SIAE: variants seen among roughly 807,000 people sequenced by gnomAD.
SIAE encodes sialic acid acetylesterase, also known as sialate O-acetylesterase.
A neutral mutation model predicts 52.6 loss-of-function variants in SIAE; 39 were observed. That is an observed-to-expected ratio of 0.74 (90% CI 0.57 to 0.97). The LOEUF is 0.97. Among genes scored for constraint, SIAE ranks in the 50% least tolerant of loss-of-function variants. The probability of loss-of-function intolerance (pLI) is 0.00; values close to 1 mark genes in which losing one functional copy is unlikely to be tolerated. For synonymous variants in SIAE, 233 were observed against 241.4 expected (o/e 0.97, Z 0.32); for missense variants, 592 against 662.1 (o/e 0.89, Z 1.16).
intron 1 of SIAE, 36 bp from the exon 2 acceptor site, chr11:124,669,557 C>T (rs376869943): frequency 5.8e-5 from 93 of 1,594,634 alleles, no homozygotes; most frequent in South Asian, 1.2e-4. Flanking sequence ...GAAGCATCAT[C>T]GGAGAGATAT....
intron 3 of SIAE, among the ~76,000 whole-genome samples, chr11:124,657,031 G>C (rs1331681553): frequency 1.3e-5 from 2 of 151,944 alleles, no homozygotes; most frequent in Non-Finnish European, 1.5e-5. Flanking sequence ...ACTTGCCACT[G>C]AGCCGGCTGT....
intron 7 of SIAE, among the ~76,000 whole-genome samples, chr11:124,647,022 G>A (rs1942945233): frequency 6.6e-6 from 1 of 152,186 alleles, no homozygotes; most frequent in Non-Finnish European, 1.5e-5. Context: ...TAAATGAGCA[G>A]AAGACAGCTG....
chr11:124,646,299 C>T (rs928811122), intron 7 of SIAE, among the ~76,000 whole-genome samples: 1 of 152,112 alleles, frequency 6.6e-6, no homozygotes, highest in African/African-American at 2.4e-5. Context: ...TAACGAGTGC[C>T]AATCAACTAC....
At position 124,636,916 on chromosome 11, in the gene SIAE, A is replaced by G. The variant is rs772626659; in HGVS notation, c.*35T>C. 14 of 1,613,958 alleles carry G rather than the reference A, an allele frequency of 8.7e-6. No individual in the cohort carries two copies. The highest frequency in any genetic ancestry group is 1.1e-5 in the Non-Finnish European group (13 of 1,179,966). ...CTAAATGCTAAAATCTGAAGGACCCATCCTTATATCTAAGTTCTGATCATA... is the reference window on the plus strand; with the variant it reads ...CTAAATGCTAAAATCTGAAGGACCCGTCCTTATATCTAAGTTCTGATCATA... On this transcript the variant is annotated 3_prime_UTR_variant, in exon 10 of 10. Transcript: ENST00000263593.
upstream of SIAE, chr11:124,675,259 A>C (rs746800846): frequency 1.9e-6 from 3 of 1,610,980 alleles, no homozygotes; most frequent in Non-Finnish European, 2.5e-6. Context: ...AGTTCTTACC[A>C]AGAAGATGTC....
intron 2 of SIAE, among the ~76,000 whole-genome samples, chr11:124,662,312 G>A (rs1201039705): frequency 6.6e-6 from 1 of 152,182 alleles, no homozygotes; most frequent in Non-Finnish European, 1.5e-5. Context: ...CTTCTGAGCA[G>A]GCAGACACTC....
intron 4 of SIAE, among the ~76,000 whole-genome samples, chr11:124,652,259 G>C (rs1277676048): frequency 6.6e-6 from 1 of 152,172 alleles, no homozygotes; most frequent in Non-Finnish European, 1.5e-5. Context: ...CATGGCGAAA[G>C]GCACTTTGTA....
intron 8 of SIAE, among the ~76,000 whole-genome samples, chr11:124,639,242 G>A (rs1942803855): frequency 6.6e-6 from 1 of 152,132 alleles, no homozygotes; most frequent in Non-Finnish European, 1.5e-5. Context: ...TGTTCCCTGG[G>A]GCTGATCACA....
chr11:124,649,463 T>C (rs1942985921), intron 5 of SIAE, among the ~76,000 whole-genome samples, 156 bp downstream of exon 5: 1 of 152,126 alleles, frequency 6.6e-6, no homozygotes, highest in Non-Finnish European at 1.5e-5. Flanking sequence ...GCAGTGACAG[T>C]GAAAATAATG....
rs1485653834 is a variant in SIAE, at chr11:124,636,808, G to GAAAC, written c.*139_*142dup. The GAAAC allele has an allele frequency of 3.7e-5, 45 of 1,202,778 alleles. No individual in the cohort carries two copies. The highest frequency in any genetic ancestry group is 2.9e-4 in the South Asian group (23 of 78,704). The allele number at this position is 1,202,778 out of a possible 1,614,324, so 74.5% of individuals were successfully genotyped here. A position where few individuals can be genotyped will look rare whatever the true frequency, so the allele number is the denominator to read the frequency against. Reference sequence around the variant, plus strand: ...ATAAGCCTGGGCTCATCAGAATATAGAAACAGCCATGTGCTAGCTGAAAGC... The same window carrying GAAAC: ...ATAAGCCTGGGCTCATCAGAATATAGAAACAAACAGCCATGTGCTAGCTGAAAGC... On this transcript the variant is annotated 3_prime_UTR_variant, in exon 10 of 10. Transcript: ENST00000263593.
intron 2 of SIAE, among the ~76,000 whole-genome samples, chr11:124,664,754 A>G (rs1474584959): frequency 6.6e-6 from 1 of 152,196 alleles, no homozygotes; most frequent in African/African-American, 2.4e-5. Flanking sequence ...ATCAGATGTT[A>G]ATTATTTTGT....
chr11:124,654,146 C>T (rs574657477), intron 4 of SIAE: 1 of 878,726 alleles, frequency 1.1e-6, no homozygotes, highest in African/African-American at 1.8e-5. Flanking sequence ...CCACTGCATT[C>T]CAGCCTGAGC....
intron 2 of SIAE, among the ~76,000 whole-genome samples, chr11:124,665,537 C>G (rs1368947127): frequency 6.6e-6 from 1 of 152,182 alleles, no homozygotes; most frequent in African/African-American, 2.4e-5. Flanking sequence ...CTTGTGAGAC[C>G]CTCAGTAGAG....
rs1020410224 is a variant in SIAE at position 124,636,713 on chromosome 11, A to G, written c.*238T>C. On this transcript the variant is annotated 3_prime_UTR_variant, in exon 10 of 10. Coordinates refer to ENST00000263593, the MANE Select transcript of SIAE (RefSeq NM_170601.5). ...TGACATTGAGGTCCAATTTGTCTGT[A>G]GTTCAGAATTAGTCCAATACAGACC... 1 of 565,462 alleles carries G rather than the reference A, an allele frequency of 1.8e-6. No individual in the cohort carries two copies. Among genetic ancestry groups the G allele is most frequent in the Non-Finnish European group, 3.1e-6 (1 of 319,108 alleles). 35.0% of individuals were successfully genotyped at this position (565,462 alleles called of 1,614,324 possible). A position where few individuals can be genotyped will look rare whatever the true frequency, so the allele number is the denominator to read the frequency against.
At chr11:124,668,483 T>C (rs888176729) in intron 2 of SIAE, among the ~76,000 whole-genome samples, 6 of 152,182 alleles carry the variant, frequency 3.9e-5, no homozygotes, top group South Asian at 2.1e-4. Flanking sequence ...AGGCTCTCAA[T>C]AGATATTTGA....
At chr11:124,651,779 T>C (rs1943021074) in intron 4 of SIAE, among the ~76,000 whole-genome samples, 1 of 152,200 alleles carries the variant, frequency 6.6e-6, no homozygotes, top group South Asian at 2.1e-4. Context: ...GTTCAGTGTT[T>C]CCCTTAGCTC....
intron 3 of SIAE, 127 bp downstream of exon 3, chr11:124,660,501 C>G (rs746543800): frequency 1.2e-6 from 1 of 864,482 alleles, no homozygotes; most frequent in Admixed American, 1.8e-5. Context: ...GCATTTAGAA[C>G]ATATCTTGGC....
chr11:124,642,000 T>C (rs879102907), intron 7 of SIAE, among the ~76,000 whole-genome samples: 9 of 149,120 alleles, frequency 6.0e-5, no homozygotes, highest in Admixed American at 2.0e-4. Flanking sequence ...AATAAAGGAC[T>C]TAACGCAGAG....
intron 1 of SIAE, 138 bp downstream of exon 1, chr11:124,673,504 G>A (rs1591399850): frequency 3.0e-6 from 3 of 1,003,806 alleles, no homozygotes; most frequent in African/African-American, 1.6e-5. Flanking sequence ...CTCGGTCGGA[G>A]ACGCGAGCCC....
Sources: gnomAD v4.1 joint callset for allele counts (sites outside exome capture counted in the v4.1 genomes callset) on GRCh38, gnomAD v4.1.1 for gene constraint, MANE v1.5 for transcripts, NCBI Gene and HGNC (gene_info 2026-07-23, HGNC 2026-07-21) for gene names.